GPATCH2L: variants seen among roughly 807,000 people sequenced by gnomAD.
GPATCH2L encodes G patch domain-containing protein 2-like.
Under a neutral mutation model 57.4 loss-of-function variants are expected in GPATCH2L, and 31 were observed. That is an observed-to-expected ratio of 0.54 (90% confidence interval 0.41 to 0.73). The LOEUF is 0.73. Among genes scored for constraint, GPATCH2L ranks in the 30% least tolerant of loss-of-function variants. GPATCH2L has a pLI of 0.00. For missense variants in GPATCH2L, 481 were observed against 599.9 expected (o/e 0.80, Z 2.07); for synonymous variants, 199 against 210.7 (o/e 0.94, Z 0.48).
chr14:76,174,991 A>T (rs956780747), intron 5 of GPATCH2L: 1 of 152,304 alleles, frequency 6.6e-6, no homozygotes, highest in Admixed American at 6.5e-5. Flanking sequence ...GATACCTTTC[A>T]AATTACTCAT....
downstream of GPATCH2L, among the ~76,000 whole-genome samples, chr14:76,214,779 CTT>C (rs775273668): frequency 1.3e-5 from 2 of 152,170 alleles, no homozygotes; most frequent in South Asian, 2.1e-4. Context: ...GTAACAAACT[CTT>C]TTTGTTTTGC....
chr14:76,170,319 T>C (rs1318191890), intron 3 of GPATCH2L, among the ~76,000 whole-genome samples: 1 of 152,238 alleles, frequency 6.6e-6, no homozygotes, highest in Non-Finnish European at 1.5e-5. Flanking sequence ...TTAGATATTC[T>C]TGTAATAATT....
intron 3 of GPATCH2L, among the ~76,000 whole-genome samples, chr14:76,167,503 A>C (rs1332179529): frequency 6.6e-6 from 1 of 152,230 alleles, no homozygotes; most frequent in Non-Finnish European, 1.5e-5. Flanking sequence ...TAGTGGCTAC[A>C]TGTCTAGGTT....
At chr14:76,223,031 G>C (rs991006926) in intron 1 of GPATCH2L, among the ~76,000 whole-genome samples, 3 of 151,374 alleles carry the variant, frequency 2.0e-5, no homozygotes, top group African/African-American at 7.3e-5. Context: ...CCCCAGTCCA[G>C]ATTTTTTTCT....
rs2040345729 is a variant in GPATCH2L at position 76,203,822 on chromosome 14, A to G, written c.*1971A>G. On this transcript the variant is annotated 3_prime_UTR_variant, in exon 10 of 10. Transcript: ENST00000261530. ...GACCCGTGGCATATATTTTTAACAT[A>G]CTTGGTTGGGTTTGAGAGAAATCTG... 6.6e-6 allele frequency: 1 copy of G among 152,174 alleles called. No homozygotes were observed. Among genetic ancestry groups the G allele is most frequent in the Non-Finnish European group, 1.5e-5 (1 of 68,048 alleles). The allele number at this position is 152,174 out of a possible 1,614,324, so 9.4% of individuals were successfully genotyped here. A position where few individuals can be genotyped will look rare whatever the true frequency, so the allele number is the denominator to read the frequency against.
chr14:76,196,229 C>G (rs557878441), intron 9 of GPATCH2L: 10 of 619,006 alleles, frequency 1.6e-5, no homozygotes, highest in Non-Finnish European at 2.9e-5. Flanking sequence ...GTCATCTGAG[C>G]TTTTGTTTTA....
At chr14:76,180,725 A>G (rs758226399) in intron 7 of GPATCH2L, 39 bp from the exon 8 acceptor site, 5 of 1,334,036 alleles carry the variant, frequency 3.7e-6, no homozygotes, top group Non-Finnish European at 5.4e-6. Flanking sequence ...GGTCCGTTTC[A>G]TGTAAGCCTT....
intron 2 of GPATCH2L, among the ~76,000 whole-genome samples, chr14:76,159,465 C>T (rs926770183): frequency 2.0e-5 from 3 of 152,130 alleles, no homozygotes; most frequent in African/African-American, 7.2e-5. Context: ...AACTGCCATT[C>T]TCAGATCTAC....
intron 1 of GPATCH2L, among the ~76,000 whole-genome samples, chr14:76,219,367 GT>G (rs1450912592): frequency 5.9e-5 from 9 of 152,084 alleles, no homozygotes; most frequent in Admixed American, 2.0e-4. Context: ...AATAATAGAA[GT>G]TTTTCACCTA....
intron 5 of GPATCH2L, chr14:76,174,020 C>A (rs2039208859): frequency 2.7e-5 from 6 of 223,076 alleles, no homozygotes; most frequent in Admixed American, 5.8e-5. Context: ...TTTGGTCTTT[C>A]ATCCTAGAAT....
In GPATCH2L at chr14:76,154,266, A is replaced by AT; in HGVS notation, c.-10-86dup. 8.7e-7 allele frequency: 1 copy of AT among 1,154,054 alleles called. No homozygotes were observed. Among genetic ancestry groups the AT allele is most frequent in the Non-Finnish European group, 1.2e-6 (1 of 816,256 alleles). 71.5% of individuals were successfully genotyped at this position (1,154,054 alleles called of 1,614,324 possible). On this transcript the variant is annotated intron_variant, in intron 1 of 9. Coordinates refer to ENST00000261530, the MANE Select transcript of GPATCH2L (RefSeq NM_017926.4). This position sits in a 1 kb window ranked among gnomAD's most constrained non-coding sequence, Gnocchi z 4.4. ...GGACTACCATGATCTGTTTCATCAA[A>AT]TTATTCCAAAACAACAGATCCTTTT...
intron 2 of GPATCH2L, among the ~76,000 whole-genome samples, chr14:76,165,245 G>T (rs533282638): frequency 8.5e-5 from 13 of 152,208 alleles, no homozygotes; most frequent in African/African-American, 3.1e-4. Context: ...TGTAATCTCA[G>T]CACTTTGGGA....
At chr14:76,173,884 A>G (rs2039202983) in intron 5 of GPATCH2L, 6 of 474,198 alleles carry the variant, frequency 1.3e-5, no homozygotes, top group Non-Finnish European at 2.3e-5. Flanking sequence ...CTGTAAACCT[A>G]CAAGCCTGAG....
At position 76,204,385 on chromosome 14, in the gene GPATCH2L, A is replaced by G. The variant is rs1216384963; in HGVS notation, c.*2534A>G. 3 of 152,224 alleles carry G rather than the reference A, an allele frequency of 2.0e-5. No homozygotes were observed. Among genetic ancestry groups the G allele is most frequent in the Non-Finnish European group, 4.4e-5 (3 of 68,038 alleles). The allele number at this position is 152,224 out of a possible 1,614,324, so 9.4% of individuals were successfully genotyped here. On this transcript the variant is annotated 3_prime_UTR_variant, in exon 10 of 10. Coordinates refer to ENST00000261530, the MANE Select transcript of GPATCH2L (RefSeq NM_017926.4). ...GAGAGAACAGAATATTAAGCACACA[A>G]ATACTTTCCAACACAGGGTTGTAAA...
rs1318213974 is a variant in GPATCH2L, at chr14:76,176,625, G to T, written c.987G>T (p.Glu329Asp). Reference protein sequence around the residue: ...RKGRRRLVGKETSINTLGTER... With the variant: ...RKGRRRLVGKDTSINTLGTER... ...TCTTGTCTGCCTTTTCTTTTTAGGA[G>T]ACCAGCATAAACACTTTGGGGACTG... Residue 329 changes from glutamate (E) to aspartate (D), a missense_variant and splice_region_variant, in exon 6 of 10, where the codon GAG (glutamate) becomes GAT (aspartate). Physicochemically the swap from Glu to Asp is conservative, Grantham distance 45. Coordinates refer to ENST00000261530, the MANE Select transcript of GPATCH2L (RefSeq NM_017926.4). 3 of 1,604,286 alleles carry T rather than the reference G, an allele frequency of 1.9e-6. No individual in the cohort carries two copies. Among genetic ancestry groups the T allele is most frequent in the Non-Finnish European group, 2.6e-6 (3 of 1,171,066 alleles).
chr14:76,157,672 CG>C (rs1212719520), intron 2 of GPATCH2L, among the ~76,000 whole-genome samples: 170 of 87,848 alleles, frequency 1.9e-3, no homozygotes, highest in African/African-American at 5.3e-3. Flanking sequence ...TCAATGGTAG[CG>C]TTTTTTTTTT....
intron 3 of GPATCH2L, among the ~76,000 whole-genome samples, chr14:76,167,592 G>C (rs891326317): frequency 6.6e-6 from 1 of 152,204 alleles, no homozygotes; most frequent in Non-Finnish European, 1.5e-5. Context: ...TTTTGGAGAA[G>C]GACTGTGGGG....
At chr14:76,233,039 T>C (rs959311239) in intron 2 of GPATCH2L, among the ~76,000 whole-genome samples, 1 of 152,234 alleles carries the variant, frequency 6.6e-6, no homozygotes, top group African/African-American at 2.4e-5. Context: ...AAAGCTCACC[T>C]TCCTGCAGCA....
At chr14:76,196,772 A>G (rs1447808910) in intron 9 of GPATCH2L, among the ~76,000 whole-genome samples, 1 of 152,214 alleles carries the variant, frequency 6.6e-6, no homozygotes, top group East Asian at 1.9e-4. Flanking sequence ...ACTACCTATT[A>G]TATAAATCAG....
Sources: allele counts gnomAD v4.1 joint callset (sites outside exome capture counted in the v4.1 genomes callset), GRCh38; gene constraint gnomAD v4.1.1; non-coding constraint Gnocchi (gnomAD v3.1); transcripts MANE v1.5; gene names NCBI Gene and HGNC (gene_info 2026-07-23, HGNC 2026-07-21).